The following PNPLA1 variants were observed in gnomAD, a reference collection of about 807,000 sequenced individuals.
The protein encoded by PNPLA1 is omega-hydroxyceramide transacylase.
In PNPLA1, 36 loss-of-function variants were observed where a neutral mutation model predicts 51.7. The ratio of observed to expected loss-of-function variants is 0.70; its 90% CI spans 0.53 to 0.92. The LOEUF is 0.92. Ranked by LOEUF, PNPLA1 falls within the 40% of genes least tolerant of loss-of-function variation. The pLI, the probability that PNPLA1 is intolerant of heterozygous loss-of-function variation, is 0.00. For missense variants in PNPLA1, 658 were observed against 682.5 expected (o/e 0.96, Z 0.40); for synonymous variants, 293 against 280.1 (o/e 1.05, Z -0.46).
chr6:36,244,146 T>A (rs1769211225), intron 1 of PNPLA1, among the ~76,000 whole-genome samples: 1 of 152,104 alleles, frequency 6.6e-6, no homozygotes, highest in East Asian at 1.9e-4. Context: ...CTCCTCCTCC[T>A]CCTTCCTCTC....
At chr6:36,296,209 AAGGCTGTAGCG>A (rs1214147474) in intron 5 of PNPLA1, among the ~76,000 whole-genome samples, 4 of 152,182 alleles carry the variant, frequency 2.6e-5, no homozygotes, top group Non-Finnish European at 4.4e-5. Flanking sequence ...ACTTGAGATC[AAGGCTGTAGCG>A]AGCCATGACT....
chr6:36,258,712 T>C (rs1002102106), intron 1 of PNPLA1, among the ~76,000 whole-genome samples: 4 of 152,360 alleles, frequency 2.6e-5, no homozygotes, highest in South Asian at 2.1e-4. Context: ...TGGGGTCTTC[T>C]TGTCCTGAAG....
upstream of PNPLA1, among the ~76,000 whole-genome samples, chr6:36,269,445 C>T (rs923464044): frequency 6.6e-5 from 10 of 152,142 alleles, no homozygotes; most frequent in African/African-American, 1.2e-4. Flanking sequence ...GCCCTGACCC[C>T]GACGTCCCCA....
intron 7 of PNPLA1, 62 bp from the exon 8 acceptor site, chr6:36,307,525 C>T: frequency 6.3e-7 from 1 of 1,585,218 alleles, no homozygotes; most frequent in South Asian, 1.1e-5. Flanking sequence ...CTGAGCAGGC[C>T]ACCATGTTGG....
At chr6:36,284,373 G>A (rs1297576743) in intron 1 of PNPLA1, among the ~76,000 whole-genome samples, 1 of 152,214 alleles carries the variant, frequency 6.6e-6, no homozygotes, top group Non-Finnish European at 1.5e-5. Flanking sequence ...TGCTGAATAG[G>A]TCAGAGTTGT....
chr6:36,301,587 C>T (rs1771049521), intron 5 of PNPLA1, among the ~76,000 whole-genome samples: 1 of 152,216 alleles, frequency 6.6e-6, no homozygotes, highest in South Asian at 2.1e-4. Flanking sequence ...CCTCAGATGA[C>T]CTGCCCTCTC....
At chr6:36,266,578 A>T (rs115676886), upstream of PNPLA1, among the ~76,000 whole-genome samples, 3,478 of 152,262 alleles carry the variant, frequency 0.023, 114 homozygotes, top group African/African-American at 0.074. Flanking sequence ...GTGGGGTCTG[A>T]TGATCACCGT....
chr6:36,261,200 A>G (rs1483550888), intron 1 of PNPLA1, among the ~76,000 whole-genome samples: 1 of 152,260 alleles, frequency 6.6e-6, no homozygotes, highest in Non-Finnish European at 1.5e-5. Context: ...TTTAATAACA[A>G]ATCCCTGTTG....
At chr6:36,243,898 C>T (rs1026002209) in intron 1 of PNPLA1, among the ~76,000 whole-genome samples, 1 of 152,212 alleles carries the variant, frequency 6.6e-6, no homozygotes, top group African/African-American at 2.4e-5. Context: ...CTACAGCAAC[C>T]ATTTCTAGCT....
intron 5 of PNPLA1, among the ~76,000 whole-genome samples, chr6:36,300,905 C>T (rs1178405173): frequency 6.6e-6 from 1 of 152,144 alleles, no homozygotes; most frequent in Non-Finnish European, 1.5e-5. Context: ...ATTTACTTAC[C>T]TACGTAATAT....
upstream of PNPLA1, among the ~76,000 whole-genome samples, chr6:36,265,397 GA>G (rs542394893): frequency 3.0e-3 from 462 of 151,728 alleles, no homozygotes; most frequent in Non-Finnish European, 3.9e-3. Flanking sequence ...GTAGGGAAGA[GA>G]AAAAAAATCT....
intron 1 of PNPLA1, among the ~76,000 whole-genome samples, chr6:36,261,870 TAACCCTGGCGGCACATCTTGTCTTTGCTC>T (rs1367007517): frequency 2.0e-5 from 3 of 152,224 alleles, no homozygotes; most frequent in African/African-American, 7.2e-5. Context: ...CGGCTGGACT[TAACCCTGGCGGCACATCTTGTCTTTGCTC>T]CATGGATGCT....
At position 36,278,171 on chromosome 6, in the gene PNPLA1, G is replaced by A. The variant is rs564772789; in HGVS notation, c.205+7507G>A. On this transcript the variant is annotated intron_variant, in intron 1 of 8. Transcript: ENST00000636260. ...CATATTCTAGCATTTGATGTTGTAC[G>A]GTCTTAACTGTTTCAGATACAGTGT... Among the ~76,000 whole-genome samples, 9 of 152,062 alleles carry A rather than the reference G, an allele frequency of 5.9e-5. No individual in the cohort carries two copies. The South Asian group carries it at 1.0e-3, about 18-fold the overall frequency.
At chr6:36,268,864 G>A (rs188032178), upstream of PNPLA1, among the ~76,000 whole-genome samples, 5 of 152,136 alleles carry the variant, frequency 3.3e-5, no homozygotes, top group Non-Finnish European at 7.3e-5. Flanking sequence ...TCCCAGGAAG[G>A]GGGCAGGGTC....
chr6:36,266,208 T>C (rs576334533), upstream of PNPLA1, among the ~76,000 whole-genome samples: 46 of 152,326 alleles, frequency 3.0e-4, no homozygotes, highest in Non-Finnish European at 5.4e-4. Flanking sequence ...TCAGCCTGAA[T>C]GCAACCTTGA....
At chr6:36,292,639 C>T (rs1770723970) in intron 2 of PNPLA1, among the ~76,000 whole-genome samples, 2 of 152,196 alleles carry the variant, frequency 1.3e-5, no homozygotes, top group Admixed American at 1.3e-4. Context: ...CCACCATGCC[C>T]CTGTCACCCC....
At chr6:36,282,796 C>T (rs1236800922) in intron 1 of PNPLA1, among the ~76,000 whole-genome samples, 3 of 152,190 alleles carry the variant, frequency 2.0e-5, no homozygotes, top group Admixed American at 2.0e-4. Flanking sequence ...AGCAATTCTC[C>T]TGCCTCAGCC....
At chr6:36,253,054 C>T (rs1769457161) in intron 1 of PNPLA1, among the ~76,000 whole-genome samples, 1 of 152,166 alleles carries the variant, frequency 6.6e-6, no homozygotes, top group Non-Finnish European at 1.5e-5. Context: ...GTGGCATGCA[C>T]CTGTAGTCCC....
intron 5 of PNPLA1, among the ~76,000 whole-genome samples, chr6:36,298,435 AC>A (rs1770926483): frequency 1.3e-5 from 2 of 151,066 alleles, no homozygotes; most frequent in African/African-American, 4.8e-5. Context: ...TGGTAAAAAA[AC>A]ACGTAACAAA....
Sources: allele counts gnomAD v4.1 joint callset (sites outside exome capture counted in the v4.1 genomes callset), GRCh38; gene constraint gnomAD v4.1.1; transcripts MANE v1.5; gene names NCBI Gene and HGNC (gene_info 2026-07-23, HGNC 2026-07-21).